The following ARHGAP15 variants were observed in gnomAD, a reference collection of about 807,000 sequenced individuals.
The protein encoded by ARHGAP15 is Rho GTPase activating protein 15, also known as rho GTPase-activating protein 15.
A neutral mutation model predicts 63.7 loss-of-function variants in ARHGAP15; 51 were observed. That is an observed-to-expected ratio of 0.80 (90% CI 0.64 to 1.01). ARHGAP15 has a LOEUF of 1.01. Ranked by LOEUF, ARHGAP15 falls within the 50% of genes least tolerant of loss-of-function variation. The probability of loss-of-function intolerance (pLI) is 0.00; values close to 1 mark genes in which losing one functional copy is unlikely to be tolerated. For synonymous variants in ARHGAP15, 191 were observed against 193.8 expected (o/e 0.99, Z 0.12); for missense variants, 560 against 564.6 (o/e 0.99, Z 0.08).
intron 6 of ARHGAP15, among the ~76,000 whole-genome samples, chr2:143,263,919 T>C (rs1347356396): frequency 4.7e-5 from 5 of 107,414 alleles, no homozygotes; most frequent in African/African-American, 2.3e-4. Flanking sequence ...TTTTTTTTTT[T>C]TTTTTTTTTT....
At chr2:143,381,507 C>T (rs1439924900) in intron 6 of ARHGAP15, among the ~76,000 whole-genome samples, 2 of 152,152 alleles carry the variant, frequency 1.3e-5, no homozygotes, top group Non-Finnish European at 2.9e-5. Flanking sequence ...AAAAATAAAT[C>T]TCTTATATTG....
intron 11 of ARHGAP15, among the ~76,000 whole-genome samples, chr2:143,574,483 A>G (rs904844731): frequency 6.6e-6 from 1 of 151,912 alleles, no homozygotes; most frequent in Admixed American, 6.6e-5. Flanking sequence ...AAAGTATAAT[A>G]ATAATAAAAT....
chr2:143,656,958 TGTGTGTGTG>T (rs1681475001), intron 12 of ARHGAP15, among the ~76,000 whole-genome samples: 1 of 151,718 alleles, frequency 6.6e-6, no homozygotes, highest in Non-Finnish European at 1.5e-5. Flanking sequence ...TGTGTGTGTG[TGTGTGTGTG>T]TGTGTGTAGG....
intron 12 of ARHGAP15, among the ~76,000 whole-genome samples, chr2:143,664,120 CA>C (rs1682008295): frequency 6.6e-6 from 1 of 151,982 alleles, no homozygotes; most frequent in Non-Finnish European, 1.5e-5. Context: ...TTTTTTTCAG[CA>C]CCACACCACA....
intron 6 of ARHGAP15, among the ~76,000 whole-genome samples, chr2:143,422,161 T>C (rs1446560698): frequency 6.6e-6 from 1 of 152,108 alleles, no homozygotes; most frequent in African/African-American, 2.4e-5. Flanking sequence ...ATGAATCCAA[T>C]GCTGTGAGCC....
chr2:143,131,873 T>C (rs1237948496), intron 1 of ARHGAP15, among the ~76,000 whole-genome samples: 1 of 152,122 alleles, frequency 6.6e-6, no homozygotes, highest in Non-Finnish European at 1.5e-5. Context: ...TGTTAACCAT[T>C]GGTCCTGCCT....
At chr2:143,544,983 A>C (rs1218740839) in intron 10 of ARHGAP15, among the ~76,000 whole-genome samples, 1 of 152,232 alleles carries the variant, frequency 6.6e-6, no homozygotes, top group Non-Finnish European at 1.5e-5. Flanking sequence ...GGTTAGGAGC[A>C]CCTTCTTCTT....
At chr2:143,161,441 A>AT (rs796335282) in intron 2 of ARHGAP15, among the ~76,000 whole-genome samples, 23 of 151,472 alleles carry the variant, frequency 1.5e-4, no homozygotes, top group Non-Finnish European at 2.5e-4. Flanking sequence ...TAGTTTGTTA[A>AT]TTTTTTTTTA....
chr2:143,139,154 T>A (rs1183816427), intron 1 of ARHGAP15, among the ~76,000 whole-genome samples: 4 of 152,094 alleles, frequency 2.6e-5, no homozygotes, highest in African/African-American at 7.2e-5. Flanking sequence ...CTCTATGATA[T>A]CCCATCAGCA....
intron 9 of ARHGAP15, among the ~76,000 whole-genome samples, chr2:143,489,192 C>T (rs1383341412): frequency 6.6e-6 from 1 of 152,160 alleles, no homozygotes; most frequent in African/African-American, 2.4e-5. Context: ...ACATGAAATG[C>T]TGAAGGATTA....
chr2:143,302,179 T>C (rs1682936820), intron 6 of ARHGAP15, among the ~76,000 whole-genome samples: 4 of 151,964 alleles, frequency 2.6e-5, no homozygotes, highest in Non-Finnish European at 5.9e-5. Flanking sequence ...GAATATCAGA[T>C]GTCTATAGAT....
At chr2:143,261,394 A>G (rs1003632411) in intron 6 of ARHGAP15, among the ~76,000 whole-genome samples, 4 of 136,032 alleles carry the variant, frequency 2.9e-5, no homozygotes, top group African/African-American at 5.7e-5. Flanking sequence ...AGTGGAGTAC[A>G]GTGGCACCGT....
chr2:143,188,124 G>A (rs1691519325), intron 2 of ARHGAP15, among the ~76,000 whole-genome samples: 1 of 151,714 alleles, frequency 6.6e-6, no homozygotes, highest in South Asian at 2.1e-4. Context: ...TGATTTATCT[G>A]TTCTAGGCAT....
intron 6 of ARHGAP15, among the ~76,000 whole-genome samples, chr2:143,430,553 G>A (rs1268980258): frequency 6.6e-6 from 1 of 151,764 alleles, no homozygotes; most frequent in Non-Finnish European, 1.5e-5. Flanking sequence ...AATCTGTGTG[G>A]GTTTTGTAAG....
intron 11 of ARHGAP15, among the ~76,000 whole-genome samples, chr2:143,615,631 T>G (rs189742437): frequency 5.2e-4 from 79 of 152,302 alleles, no homozygotes; most frequent in African/African-American, 1.8e-3. Context: ...TTTATAGGAC[T>G]TAGTTTATTT....
intron 13 of ARHGAP15, among the ~76,000 whole-genome samples, chr2:143,712,605 G>T (rs989206738): frequency 2.0e-5 from 3 of 152,152 alleles, no homozygotes; most frequent in African/African-American, 7.2e-5. Flanking sequence ...TGGATGGTCA[G>T]AGAAAGAGAT....
intron 6 of ARHGAP15, among the ~76,000 whole-genome samples, chr2:143,337,275 TAGGGAGGTGGG>T (rs1684844108): frequency 6.6e-6 from 1 of 152,032 alleles, no homozygotes; most frequent in African/African-American, 2.4e-5. Flanking sequence ...GATAGGAGGC[TAGGGAGGTGGG>T]AGGAAGGGGC....
chr2:143,316,152 T>C (rs1302222824), intron 6 of ARHGAP15, among the ~76,000 whole-genome samples: 1 of 152,098 alleles, frequency 6.6e-6, no homozygotes, highest in Non-Finnish European at 1.5e-5. Flanking sequence ...ATTCAAATTG[T>C]TCCAGACGGG....
At chr2:143,462,246 G>A (rs1690979954) in intron 8 of ARHGAP15, among the ~76,000 whole-genome samples, 1 of 152,092 alleles carries the variant, frequency 6.6e-6, no homozygotes, top group East Asian at 1.9e-4. Context: ...TAATTGATAG[G>A]CCATCTCCAT....
Sources: gnomAD v4.1 joint callset for allele counts (sites outside exome capture counted in the v4.1 genomes callset) on GRCh38, gnomAD v4.1.1 for gene constraint, MANE v1.5 for transcripts, NCBI Gene and HGNC (gene_info 2026-07-23, HGNC 2026-07-21) for gene names.